XIRP2: variants seen among roughly 807,000 people sequenced by gnomAD.
XIRP2 encodes xin actin-binding repeat-containing protein 2.
Under a neutral mutation model 277.0 loss-of-function variants are expected in XIRP2, and 236 were observed. The ratio of observed to expected loss-of-function variants is 0.85; its 90% CI spans 0.77 to 0.95. The LOEUF is 0.95. XIRP2 is among the 40% of genes least tolerant of loss of function. The pLI, the probability that XIRP2 is intolerant of heterozygous loss-of-function variation, is 0.00. For missense variants in XIRP2, 4,640 were observed against 4,157.5 expected, an observed-to-expected ratio of 1.12 and a Z score of -3.19; for synonymous variants, 1,490 against 1,416.5, an observed-to-expected ratio of 1.05 and a Z score of -1.17.
At chr2:167,208,369 C>T (rs1047755440) in intron 3 of XIRP2, among the ~76,000 whole-genome samples, 3 of 152,112 alleles carry the variant, frequency 2.0e-5, no homozygotes, top group Admixed American at 1.3e-4. Context: ...TGCGGTGGCG[C>T]GATCTTGGCT....
chr2:166,904,783 TG>T (rs1002611789), intron 2 of XIRP2, among the ~76,000 whole-genome samples: 12 of 152,226 alleles, frequency 7.9e-5, no homozygotes, highest in African/African-American at 2.6e-4. Context: ...TTTGTTTGAT[TG>T]TTTTTTTGTT....
chr2:167,104,850 T>C (rs1204647080), intron 2 of XIRP2, among the ~76,000 whole-genome samples: 1 of 152,090 alleles, frequency 6.6e-6, no homozygotes, highest in East Asian at 1.9e-4. Flanking sequence ...TTATTCACAA[T>C]ATCTGTTTAT....
intron 2 of XIRP2, among the ~76,000 whole-genome samples, chr2:167,121,589 C>A (rs908102251): frequency 2.0e-5 from 3 of 152,074 alleles, no homozygotes; most frequent in Admixed American, 1.3e-4. Context: ...TAGAAGTTTT[C>A]TTTTCATTAT....
intron 3 of XIRP2, among the ~76,000 whole-genome samples, chr2:167,140,105 T>G (rs1313424293): frequency 6.6e-6 from 1 of 152,190 alleles, no homozygotes; most frequent in East Asian, 1.9e-4. Flanking sequence ...ATTAAAAACT[T>G]GTCTTCGAGA....
At chr2:167,253,983 T>C (rs922744735) in intron 9 of XIRP2, 49 bp from the exon 10 acceptor site, 1 of 1,518,062 alleles carries the variant, frequency 6.6e-7, no homozygotes, top group African/African-American at 1.4e-5. Context: ...GTTTTTACAA[T>C]ATGATTGAAG....
chr2:167,162,714 A>C (rs1305391685), intron 3 of XIRP2, among the ~76,000 whole-genome samples: 1 of 152,134 alleles, frequency 6.6e-6, no homozygotes, highest in East Asian at 1.9e-4. Context: ...TTGAGGTATA[A>C]TTTACACAGA....
chr2:167,235,349 GACA>G (rs1422845021), intron 5 of XIRP2, among the ~76,000 whole-genome samples: 1 of 151,730 alleles, frequency 6.6e-6, no homozygotes, highest in South Asian at 2.1e-4. Flanking sequence ...CAACCAAAAT[GACA>G]ACAACAAAAA....
intron 2 of XIRP2, among the ~76,000 whole-genome samples, chr2:167,094,992 T>C (rs909421375): frequency 3.5e-4 from 53 of 152,308 alleles, no homozygotes; most frequent in African/African-American, 1.0e-3. Context: ...TCTTATTTCT[T>C]TGAGTGATGA....
intron 3 of XIRP2, among the ~76,000 whole-genome samples, chr2:167,181,097 T>A (rs962097271): frequency 1.3e-5 from 2 of 152,192 alleles, no homozygotes; most frequent in Admixed American, 6.5e-5. Flanking sequence ...CTTAAAAACC[T>A]AACAACACAT....
chr2:167,178,797 G>T (rs189735255), intron 3 of XIRP2, among the ~76,000 whole-genome samples: 11 of 151,634 alleles, frequency 7.3e-5, no homozygotes, highest in Middle Eastern at 3.4e-3. Flanking sequence ...AACTTATCCC[G>T]TTTTATACAT....
chr2:167,229,662 G>A (rs966466985), intron 5 of XIRP2, among the ~76,000 whole-genome samples: 2 of 152,022 alleles, frequency 1.3e-5, no homozygotes, highest in African/African-American at 4.8e-5. Flanking sequence ...ATTGGATTGA[G>A]TCAAGCTTCT....
chr2:166,909,355 A>G (rs1020143675), intron 2 of XIRP2, among the ~76,000 whole-genome samples: 9 of 152,106 alleles, frequency 5.9e-5, no homozygotes, highest in South Asian at 2.1e-4. Context: ...TGGATTCCTA[A>G]GTATTTTATT....
intron 3 of XIRP2, among the ~76,000 whole-genome samples, chr2:167,158,751 A>G (rs779290354): frequency 3.3e-5 from 5 of 152,244 alleles, no homozygotes; most frequent in Non-Finnish European, 5.9e-5. Context: ...TTAACCATGA[A>G]AATAACCATT....
Position 167,258,928 on chromosome 2 carries a change from G to C in XIRP2, c.*1111G>C. On this transcript the variant is annotated 3_prime_UTR_variant, in exon 11 of 11. Coordinates refer to ENST00000409195, the MANE Select transcript of XIRP2 (RefSeq NM_152381.6). Reference sequence around the variant, plus strand: ...GAGCAGCTGCTGGCAGTCCTGTGCAGCCTGCTCCAAAACCAAGCCTCAGCA... The same window carrying C: ...GAGCAGCTGCTGGCAGTCCTGTGCACCCTGCTCCAAAACCAAGCCTCAGCA... The C allele has an allele frequency of 1.9e-6, 3 of 1,613,126 alleles. No individual in the cohort carries two copies. Among genetic ancestry groups the C allele is most frequent in the Non-Finnish European group, 2.5e-6 (3 of 1,179,590 alleles).
At chr2:167,234,898 T>C (rs1202511550) in intron 5 of XIRP2, among the ~76,000 whole-genome samples, 1 of 151,896 alleles carries the variant, frequency 6.6e-6, no homozygotes, top group Non-Finnish European at 1.5e-5. Flanking sequence ...TGCATCCCAC[T>C]ACAGTTTCTA....
intron 3 of XIRP2, among the ~76,000 whole-genome samples, chr2:167,160,885 C>A (rs1398491240): frequency 3.3e-5 from 5 of 152,174 alleles, no homozygotes; most frequent in Non-Finnish European, 1.5e-5. Context: ...GTTCCTTCCG[C>A]CTGTGAGCCT....
At chr2:167,114,347 CTTGAG>C (rs1407524431) in intron 2 of XIRP2, among the ~76,000 whole-genome samples, 33 of 152,046 alleles carry the variant, frequency 2.2e-4, no homozygotes, top group Admixed American at 2.2e-3. Flanking sequence ...TTTTGTCTGA[CTTGAG>C]TTATTTCAGA....
At chr2:166,953,379 G>C (rs1037348811) in intron 2 of XIRP2, among the ~76,000 whole-genome samples, 2 of 151,864 alleles carry the variant, frequency 1.3e-5, no homozygotes, top group Non-Finnish European at 2.9e-5. Context: ...AAGATCTGGT[G>C]GTTTTATAAA....
intron 2 of XIRP2, among the ~76,000 whole-genome samples, chr2:166,957,130 C>A (rs1313111365): frequency 6.6e-6 from 1 of 151,442 alleles, no homozygotes; most frequent in Non-Finnish European, 1.5e-5. Context: ...CCATGTTGTG[C>A]CTCATTTGTT....
Sources: gnomAD v4.1 joint callset for allele counts (sites outside exome capture counted in the v4.1 genomes callset) on GRCh38, gnomAD v4.1.1 for gene constraint, MANE v1.5 for transcripts, NCBI Gene and HGNC (gene_info 2026-07-23, HGNC 2026-07-21) for gene names.